Variants in NELL2 observed in about 807,000 individuals in gnomAD.
The protein encoded by NELL2 is protein kinase C-binding protein NELL2.
NELL2 carries 41 observed loss-of-function variants against 109.6 expected under a neutral mutation model. The observed-to-expected ratio is 0.37, with a 90% CI of 0.29 to 0.49. NELL2 has a LOEUF of 0.49. Among genes scored for constraint, NELL2 ranks in the 20% least tolerant of loss-of-function variants. The pLI, the probability that NELL2 is intolerant of heterozygous loss-of-function variation, is 0.98. For synonymous variants in NELL2, 355 were observed against 344.7 expected, an observed-to-expected ratio of 1.03 and a Z score of -0.33; for missense variants, 900 against 1,008.3, an observed-to-expected ratio of 0.89 and a Z score of 1.45.
intron 9 of NELL2, among the ~76,000 whole-genome samples, chr12:44,734,869 T>C (rs1292374583): frequency 4.6e-5 from 7 of 152,102 alleles, no homozygotes; most frequent in Admixed American, 1.3e-4. Context: ...TTCAGCTTTT[T>C]ACTTTTTAGA....
intron 15 of NELL2, among the ~76,000 whole-genome samples, chr12:44,575,852 T>C (rs936276490): frequency 3.3e-5 from 5 of 152,204 alleles, no homozygotes; most frequent in African/African-American, 9.7e-5. Flanking sequence ...AAAGTGATCT[T>C]TGAGTAACTC....
intron 15 of NELL2, among the ~76,000 whole-genome samples, chr12:44,553,627 T>TCCCTTCAATTCA (rs1452729889): frequency 6.6e-6 from 1 of 152,186 alleles, no homozygotes; most frequent in Non-Finnish European, 1.5e-5. Flanking sequence ...TTTGAAGGGA[T>TCCCTTCAATTCA]GGATATTCCA....
chr12:44,901,869 A>G (rs1268851447), intron 1 of NELL2, among the ~76,000 whole-genome samples: 2 of 152,100 alleles, frequency 1.3e-5, no homozygotes, highest in African/African-American at 4.8e-5. Context: ...TGCTAAAAAC[A>G]CTCAATAAAC....
upstream of NELL2, among the ~76,000 whole-genome samples, chr12:44,878,648 T>C (rs1045190121): frequency 2.0e-5 from 3 of 152,320 alleles, no homozygotes; most frequent in Admixed American, 2.0e-4. Flanking sequence ...GAATACAATA[T>C]ACATACTTAA....
intron 13 of NELL2, among the ~76,000 whole-genome samples, chr12:44,624,471 C>A (rs1946163932): frequency 6.6e-6 from 1 of 152,074 alleles, no homozygotes; most frequent in Non-Finnish European, 1.5e-5. Flanking sequence ...ACACCCAGCA[C>A]CTCCCTCCTC....
intron 3 of NELL2, among the ~76,000 whole-genome samples, chr12:44,798,581 T>C (rs1293698379): frequency 6.6e-6 from 1 of 152,162 alleles, no homozygotes; most frequent in Admixed American, 6.5e-5. Context: ...TTCAAATTTA[T>C]GTATAGATTT....
chr12:44,784,357 G>A (rs1301009660), intron 3 of NELL2, among the ~76,000 whole-genome samples: 2 of 151,688 alleles, frequency 1.3e-5, no homozygotes, highest in African/African-American at 4.8e-5. Context: ...GAAAAGAAAG[G>A]AAAGAAAAGA....
intron 16 of NELL2, among the ~76,000 whole-genome samples, chr12:44,531,149 C>T (rs562123957): frequency 6.6e-6 from 1 of 152,182 alleles, no homozygotes; most frequent in East Asian, 1.9e-4. Context: ...TAGGTAACCC[C>T]TAGAGGATGA....
At chr12:44,858,869 C>A (rs1944757143) in intron 2 of NELL2, among the ~76,000 whole-genome samples, 2 of 152,062 alleles carry the variant, frequency 1.3e-5, no homozygotes, top group Admixed American at 6.5e-5. Flanking sequence ...TAAAATTTAA[C>A]CAGAATGATA....
chr12:44,551,749 A>G (rs1943051683), intron 15 of NELL2, among the ~76,000 whole-genome samples: 1 of 152,198 alleles, frequency 6.6e-6, no homozygotes, highest in Non-Finnish European at 1.5e-5. Context: ...CTGGAAGACA[A>G]TTCTAAGGTA....
At chr12:44,545,080 T>A (rs992199840) in intron 15 of NELL2, among the ~76,000 whole-genome samples, 4 of 151,968 alleles carry the variant, frequency 2.6e-5, no homozygotes, top group Admixed American at 6.6e-5. Flanking sequence ...TGGTAAGGAG[T>A]ATTTGCAATG....
chr12:44,619,004 C>T (rs1037295009), intron 13 of NELL2, among the ~76,000 whole-genome samples: 3 of 152,116 alleles, frequency 2.0e-5, no homozygotes, highest in Admixed American at 2.0e-4. Flanking sequence ...CAAGGCCAGA[C>T]CTTCAGTGCT....
intron 9 of NELL2, among the ~76,000 whole-genome samples, chr12:44,766,087 G>GAA (rs572286226): frequency 4.4e-5 from 5 of 112,764 alleles, no homozygotes; most frequent in Non-Finnish European, 3.8e-5. Context: ...CTCCGTATCA[G>GAA]AAAAAAAAAA....
chr12:44,740,617 G>A (rs1353675071), intron 9 of NELL2, among the ~76,000 whole-genome samples: 1 of 151,920 alleles, frequency 6.6e-6, no homozygotes, highest in Non-Finnish European at 1.5e-5. Flanking sequence ...ATAGAAAAAG[G>A]TATCTATAAG....
At chr12:44,535,914 C>T (rs1241177455) in intron 15 of NELL2, among the ~76,000 whole-genome samples, 1 of 151,642 alleles carries the variant, frequency 6.6e-6, no homozygotes, top group African/African-American at 2.4e-5. Flanking sequence ...ATCTAAAATA[C>T]GTCTGAATTT....
chr12:44,767,195 A>T (rs529137933), intron 9 of NELL2, among the ~76,000 whole-genome samples: 2 of 152,324 alleles, frequency 1.3e-5, no homozygotes, highest in East Asian at 3.9e-4. Context: ...CAACAATTTT[A>T]TATGAGTGCA....
At chr12:44,654,334 C>T (rs2136321101) in intron 13 of NELL2, among the ~76,000 whole-genome samples, 1 of 152,324 alleles carries the variant, frequency 6.6e-6, no homozygotes, top group East Asian at 1.9e-4. Flanking sequence ...CTAACTCTCT[C>T]TACTCTTGTC....
rs17595910 is a variant in NELL2, at chr12:44,809,658, A to C, written c.335+6328T>G. Among the ~76,000 whole-genome samples the C allele has an allele frequency of 3.2e-3, 493 of 152,240 alleles. 3 individuals are homozygous for C. The highest frequency in any genetic ancestry group is 0.011 in the African/African-American group (465 of 41,574). Reference sequence around the variant, plus strand: ...TGGGAGGCCAAATGAAGCTTTGTTCATGGCACACCAGGGCACTGCTGATGG... The same window carrying C: ...TGGGAGGCCAAATGAAGCTTTGTTCCTGGCACACCAGGGCACTGCTGATGG... On this transcript the variant is annotated intron_variant, in intron 3 of 19. Coordinates refer to ENST00000429094, the MANE Select transcript of NELL2 (RefSeq NM_001145108.2).
chr12:44,623,618 G>C (rs1292642582), intron 13 of NELL2, among the ~76,000 whole-genome samples: 1 of 152,072 alleles, frequency 6.6e-6, no homozygotes, highest in African/African-American at 2.4e-5. Flanking sequence ...CTTGCCCCCA[G>C]GAATCACTAA....
Sources: gnomAD v4.1 joint callset for allele counts (sites outside exome capture counted in the v4.1 genomes callset) on GRCh38, gnomAD v4.1.1 for gene constraint, MANE v1.5 for transcripts, NCBI Gene and HGNC (gene_info 2026-07-23, HGNC 2026-07-21) for gene names.